The following LRBA variants were observed in gnomAD, a reference collection of about 807,000 sequenced individuals.
LRBA encodes lipopolysaccharide-responsive and beige-like anchor protein.
Under a neutral mutation model 330.0 loss-of-function variants are expected in LRBA, and 176 were observed. That is an observed-to-expected ratio of 0.53 (90% CI 0.47 to 0.60). LRBA has a LOEUF of 0.60. LRBA is among the 20% of genes least tolerant of loss of function. The pLI is 0.00. For missense variants in LRBA, 3,259 were observed against 3,444.8 expected, an observed-to-expected ratio of 0.95 and a Z score of 1.35; for synonymous variants, 1,230 against 1,193.0, an observed-to-expected ratio of 1.03 and a Z score of -0.64.
intron 12 of LRBA, 72 bp from the exon 13 acceptor site, chr4:150,906,062 A>G: frequency 7.3e-7 from 1 of 1,376,376 alleles, no homozygotes; most frequent in Non-Finnish European, 1.0e-6. Context: ...TGTCCCTACC[A>G]GGAAAAAAAC....
At chr4:150,275,342 TGA>T (rs1491500175) in intron 56 of LRBA, among the ~76,000 whole-genome samples, 1 of 152,058 alleles carries the variant, frequency 6.6e-6, no homozygotes, top group Non-Finnish European at 1.5e-5. Flanking sequence ...GGGCAAAAAC[TGA>T]AGCATTCCCT....
At chr4:150,792,856 G>A (rs537257332) in intron 34 of LRBA, among the ~76,000 whole-genome samples, 2 of 152,226 alleles carry the variant, frequency 1.3e-5, no homozygotes, top group South Asian at 2.1e-4. Flanking sequence ...CTAGGCGGGC[G>A]AATCACCTGA....
At chr4:150,363,581 C>G in intron 47 of LRBA, among the ~76,000 whole-genome samples, 1 of 152,228 alleles carries the variant, frequency 6.6e-6, no homozygotes, top group East Asian at 1.9e-4. Flanking sequence ...TATATACCAT[C>G]TTTCTCACTG....
intron 37 of LRBA, among the ~76,000 whole-genome samples, chr4:150,625,154 G>A (rs1418006523): frequency 6.6e-6 from 1 of 152,134 alleles, no homozygotes; most frequent in Non-Finnish European, 1.5e-5. Context: ...GGAAATAGTG[G>A]GTGAGAAGTG....
intron 4 of LRBA, among the ~76,000 whole-genome samples, chr4:150,927,157 A>C (rs1733972353): frequency 6.6e-6 from 1 of 151,800 alleles, no homozygotes; most frequent in Non-Finnish European, 1.5e-5. Context: ...GGCAGATCAC[A>C]AGGTTAGGAG....
chr4:150,549,887 G>A (rs928511728), intron 40 of LRBA, among the ~76,000 whole-genome samples: 1 of 152,154 alleles, frequency 6.6e-6, no homozygotes, highest in Admixed American at 6.5e-5. Context: ...GAGTATCAGG[G>A]TTGAGTACTA....
intron 46 of LRBA, among the ~76,000 whole-genome samples, chr4:150,417,497 A>G (rs1747950670): frequency 6.6e-6 from 1 of 152,184 alleles, no homozygotes; most frequent in South Asian, 2.1e-4. Flanking sequence ...CAAAAGCAGC[A>G]TTTGCTTAAT....
At chr4:150,423,933 G>T (rs1749187333) in intron 46 of LRBA, among the ~76,000 whole-genome samples, 1 of 152,170 alleles carries the variant, frequency 6.6e-6, no homozygotes, top group South Asian at 2.1e-4. Flanking sequence ...CACTCCAGAA[G>T]TTCAAATAAG....
In LRBA at chr4:150,764,221, T is replaced by TTTTACTTTTAAAA. The variant is rs200362729; in HGVS notation, c.5581-2387_5581-2375dup. On this transcript the variant is annotated intron_variant, in intron 34 of 56. Transcript: ENST00000651943. ...TGTATATAAATCTTTAGATTAGTCA[T>TTTTACTTTTAAAA]TTTACTTTTAAAAGTATCCACTGTC... Among the ~76,000 whole-genome samples the TTTTACTTTTAAAA allele has an allele frequency of 5.9e-3, 900 of 152,140 alleles. 13 individuals are homozygous for TTTTACTTTTAAAA. Among genetic ancestry groups the TTTTACTTTTAAAA allele is most frequent in the African/African-American group, 0.021 (857 of 41,540 alleles).
rs575412801 is a variant in LRBA, at chr4:150,763,882, T to G, written c.5581-2035A>C. On this transcript the variant is annotated intron_variant, in intron 34 of 56. Transcript: ENST00000651943. ...TAAGAAGATGAAGAGAACATAACCA[T>G]GACCTCTGTGGATAGGCAGCAAGTG... Among the ~76,000 whole-genome samples the G allele has an allele frequency of 3.3e-5, 5 of 152,076 alleles. No individual in the cohort carries two copies. The South Asian group carries it at 1.0e-3, about 32-fold the overall frequency.
At chr4:150,300,965 G>A (rs1187894542) in intron 53 of LRBA, among the ~76,000 whole-genome samples, 1 of 151,970 alleles carries the variant, frequency 6.6e-6, no homozygotes, top group Non-Finnish European at 1.5e-5. Flanking sequence ...ATATCTATGT[G>A]TGTTCAGATT....
intron 37 of LRBA, among the ~76,000 whole-genome samples, chr4:150,642,085 T>C (rs1207992268): frequency 6.6e-6 from 1 of 151,994 alleles, no homozygotes; most frequent in Non-Finnish European, 1.5e-5. Flanking sequence ...AAACAAAAAA[T>C]TGAAATTGCT....
chr4:150,720,638 A>C (rs1335321946), intron 36 of LRBA, among the ~76,000 whole-genome samples: 1 of 152,198 alleles, frequency 6.6e-6, no homozygotes, highest in Non-Finnish European at 1.5e-5. Flanking sequence ...AGTGTTACTA[A>C]GCAAGAAAAA....
chr4:150,946,677 T>G (rs1736283473), intron 2 of LRBA, among the ~76,000 whole-genome samples: 1 of 152,018 alleles, frequency 6.6e-6, no homozygotes, highest in Non-Finnish European at 1.5e-5. Context: ...AGTTTCCATT[T>G]TAAAGAACCT....
intron 36 of LRBA, among the ~76,000 whole-genome samples, chr4:150,723,372 AG>A (rs987961075): frequency 1.3e-5 from 2 of 152,188 alleles, no homozygotes; most frequent in African/African-American, 4.8e-5. Flanking sequence ...GCTCAGCCAC[AG>A]TAGGATAGGG....
Position 150,852,125 on chromosome 4 carries a change from A to G in LRBA, c.3585T>C (p.Thr1195=), listed in dbSNP as rs945498848. ...CTGATTCTACAGCTATTTGGGAAAC[A>G]GTAGTTTCTGGTGACATAGCTGAAG... ...SGSSAMSPET[T]VSQIAVESDL... is the part of the protein sequence containing the mutation. Residue 1195 remains threonine, a synonymous_variant, in exon 23 of 57, where the codon ACT becomes ACC. Coordinates refer to ENST00000651943, the MANE Select transcript of LRBA (RefSeq NM_001364905.1). 6.2e-7 allele frequency: 1 copy of G among 1,614,038 alleles called. No homozygotes were observed. The highest frequency in any genetic ancestry group is 1.3e-5 in the African/African-American group (1 of 74,948).
chr4:150,803,083 T>TATATACACAC (rs748531851), intron 33 of LRBA, among the ~76,000 whole-genome samples: 2 of 128,480 alleles, frequency 1.6e-5, no homozygotes, highest in East Asian at 2.2e-4. Context: ...AAAATATATA[T>TATATACACAC]ACACACACAC....
intron 28 of LRBA, 43 bp downstream of exon 28, chr4:150,844,057 T>C (rs753595070): frequency 1.7e-6 from 2 of 1,172,564 alleles, no homozygotes; most frequent in African/African-American, 1.5e-5. Context: ...AGAGGAAATA[T>C]GCATCAGTTA....
rs544727257 is a variant in LRBA, at chr4:150,538,857, C to T, written c.6331-47822G>A. Among the ~76,000 whole-genome samples the T allele has an allele frequency of 7.2e-5, 11 of 151,780 alleles. No homozygotes were observed. The East Asian group carries it at 2.1e-3, about 29-fold the overall frequency. ...AAAAAACTACCTATTGGGTATTATG[C>T]TCACTACCTAGGTGACAGGATCATT... On this transcript the variant is annotated intron_variant, in intron 40 of 56. Transcript: ENST00000651943.
Sources: gnomAD v4.1 joint callset for allele counts (sites outside exome capture counted in the v4.1 genomes callset) on GRCh38, gnomAD v4.1.1 for gene constraint, MANE v1.5 for transcripts, NCBI Gene and HGNC (gene_info 2026-07-23, HGNC 2026-07-21) for gene names.